The following LRMDA variants were observed in gnomAD, a reference collection of about 807,000 sequenced individuals.
The protein encoded by LRMDA is leucine rich melanocyte differentiation associated.
A neutral mutation model predicts 29.8 loss-of-function variants in LRMDA; 18 were observed. The observed-to-expected ratio is 0.60, with a 90% confidence interval of 0.42 to 0.90. The LOEUF is 0.90. Ranked by LOEUF, LRMDA falls within the 40% of genes least tolerant of loss-of-function variation. The pLI is 0.00. For synonymous variants in LRMDA, 125 were observed against 109.4 expected (o/e 1.14, Z -0.89); for missense variants, 273 against 273.9 (o/e 1.00, Z 0.02).
chr10:76,350,666 T>A (rs1049874221), intron 6 of LRMDA, among the ~76,000 whole-genome samples: 5 of 152,168 alleles, frequency 3.3e-5, no homozygotes. Flanking sequence ...GGACAGAATG[T>A]GGTCAGAATC....
At chr10:76,032,445 C>T (rs1050276536) in intron 2 of LRMDA, among the ~76,000 whole-genome samples, 4 of 152,228 alleles carry the variant, frequency 2.6e-5, no homozygotes, top group Non-Finnish European at 4.4e-5. Context: ...ATTATCTTAA[C>T]GAGGATAGGG....
intron 2 of LRMDA, among the ~76,000 whole-genome samples, chr10:75,704,556 G>T (rs10740451): frequency 0.43 from 64,876 of 152,076 alleles, 18,716 homozygotes; most frequent in African/African-American, 0.82. Context: ...TTTGTTGGCC[G>T]TGAGGTGACC....
intron 6 of LRMDA, chr10:76,403,366 G>C (rs148768430): frequency 6.6e-5 from 10 of 151,852 alleles, no homozygotes; most frequent in Admixed American, 2.6e-4. Context: ...GGAAAAGGCA[G>C]GTAAGAGGGC....
chr10:76,358,883 C>G (rs1262901530), intron 6 of LRMDA, among the ~76,000 whole-genome samples: 1 of 152,134 alleles, frequency 6.6e-6, no homozygotes, highest in East Asian at 1.9e-4. Context: ...ATTATATTTT[C>G]ATTGATTTGA....
intron 5 of LRMDA, among the ~76,000 whole-genome samples, chr10:76,138,158 A>G (rs1003057140): frequency 6.6e-6 from 1 of 152,160 alleles, no homozygotes; most frequent in East Asian, 1.9e-4. Context: ...GCTGCAATTT[A>G]CAGACCAATT....
chr10:75,841,131 T>C (rs993819144), intron 2 of LRMDA, among the ~76,000 whole-genome samples: 1 of 152,214 alleles, frequency 6.6e-6, no homozygotes, highest in Non-Finnish European at 1.5e-5. Flanking sequence ...GAAGTGTTAT[T>C]TTAGCTAACA....
intron 2 of LRMDA, among the ~76,000 whole-genome samples, chr10:75,476,125 T>C (rs1844788787): frequency 1.3e-5 from 2 of 152,240 alleles, no homozygotes; most frequent in Admixed American, 1.3e-4. Context: ...AATCTGCACT[T>C]AAAGTGGTGT....
At chr10:75,873,586 G>C (rs1041200010) in intron 2 of LRMDA, among the ~76,000 whole-genome samples, 1 of 152,150 alleles carries the variant, frequency 6.6e-6, no homozygotes, top group Non-Finnish European at 1.5e-5. Flanking sequence ...GGGTTACTTT[G>C]TCAGAATCAC....
At chr10:76,269,298 A>T (rs1255145908) in intron 5 of LRMDA, among the ~76,000 whole-genome samples, 1 of 152,126 alleles carries the variant, frequency 6.6e-6, no homozygotes, top group Non-Finnish European at 1.5e-5. Flanking sequence ...TACATGCTCC[A>T]ATTTGCCTCA....
chr10:76,041,018 T>G (rs374203679), intron 3 of LRMDA, among the ~76,000 whole-genome samples: 3 of 152,370 alleles, frequency 2.0e-5, no homozygotes, highest in African/African-American at 7.2e-5. Flanking sequence ...ATTTGCTGTG[T>G]CATCTTAGGA....
intron 2 of LRMDA, among the ~76,000 whole-genome samples, chr10:75,667,831 G>A (rs531207223): frequency 6.6e-6 from 1 of 152,298 alleles, no homozygotes; most frequent in Non-Finnish European, 1.5e-5. Context: ...TAATTAGCAT[G>A]TCTTTCTGTT....
At chr10:76,032,453 G>A (rs1251181195) in intron 2 of LRMDA, among the ~76,000 whole-genome samples, 1 of 152,236 alleles carries the variant, frequency 6.6e-6, no homozygotes, top group African/African-American at 2.4e-5. Context: ...AACGAGGATA[G>A]GGTTAATTAC....
At chr10:75,706,732 CTTT>C (rs61099708) in intron 2 of LRMDA, among the ~76,000 whole-genome samples, 3 of 126,206 alleles carry the variant, frequency 2.4e-5, no homozygotes, top group Admixed American at 8.1e-5. Context: ...ATTGGTACCA[CTTT>C]TTTTTTTTTT....
intron 5 of LRMDA, among the ~76,000 whole-genome samples, chr10:76,310,898 C>G (rs915288954): frequency 6.6e-6 from 1 of 152,254 alleles, no homozygotes; most frequent in African/African-American, 2.4e-5. Context: ...AGTTTTAGGT[C>G]TTTCATGAGA....
intron 2 of LRMDA, among the ~76,000 whole-genome samples, chr10:75,939,016 C>T (rs1488467431): frequency 6.6e-6 from 1 of 152,180 alleles, no homozygotes; most frequent in Non-Finnish European, 1.5e-5. Context: ...GAAACCAGCG[C>T]TCGGCATGAA....
chr10:76,469,943 A>G (rs1424795772), intron 6 of LRMDA, among the ~76,000 whole-genome samples: 2 of 152,098 alleles, frequency 1.3e-5, no homozygotes, highest in African/African-American at 4.8e-5. Context: ...TGATTAAACC[A>G]ACAACTTCCC....
chr10:76,389,887 T>G (rs1262886175), intron 6 of LRMDA, among the ~76,000 whole-genome samples: 1 of 152,222 alleles, frequency 6.6e-6, no homozygotes, highest in East Asian at 1.9e-4. Flanking sequence ...GATGGTCATT[T>G]GGGCTGCTTC....
chr10:75,447,686 G>A (rs1844410929), intron 2 of LRMDA, among the ~76,000 whole-genome samples: 2 of 152,170 alleles, frequency 1.3e-5, no homozygotes, highest in African/African-American at 4.8e-5. Context: ...GTTGAGCCCA[G>A]GAGTTTGAAA....
chr10:76,135,160 G>A (rs919913792), intron 5 of LRMDA, among the ~76,000 whole-genome samples: 2 of 152,140 alleles, frequency 1.3e-5, no homozygotes, highest in Non-Finnish European at 2.9e-5. Context: ...CTATACAGAA[G>A]GACCCTCTTG....
Sources: gnomAD v4.1 joint callset for allele counts (sites outside exome capture counted in the v4.1 genomes callset) on GRCh38, gnomAD v4.1.1 for gene constraint, MANE v1.5 for transcripts, NCBI Gene and HGNC (gene_info 2026-07-23, HGNC 2026-07-21) for gene names.